Variants in ALG6 observed in about 807,000 individuals in gnomAD.
ALG6 encodes the protein dolichyl pyrophosphate Man9GlcNAc2 alpha-1,3-glucosyltransferase.
Under a neutral mutation model 66.6 loss-of-function variants are expected in ALG6, and 46 were observed. That is an observed-to-expected ratio of 0.69 (90% confidence interval 0.55 to 0.88). The LOEUF is 0.88. Ranked by LOEUF, ALG6 falls within the 40% of genes least tolerant of loss-of-function variation. The probability of loss-of-function intolerance (pLI) is 0.00; values close to 1 mark genes in which losing one functional copy is unlikely to be tolerated. For synonymous variants in ALG6, 185 were observed against 203.7 expected, an observed-to-expected ratio of 0.91 and a Z score of 0.78; for missense variants, 505 against 586.8, an observed-to-expected ratio of 0.86 and a Z score of 1.44.
At chr1:63,434,438 T>A (rs968532734) in intron 14 of ALG6, among the ~76,000 whole-genome samples, 1 of 151,722 alleles carries the variant, frequency 6.6e-6, no homozygotes, top group African/African-American at 2.4e-5. Flanking sequence ...AGACCAAGAG[T>A]TTTTTACATG....
Position 63,400,282 on chromosome 1 carries a change from CGTATATATATATACGT to C in ALG6, c.168-1971_168-1956del, listed in dbSNP as rs1644452900. On this transcript the variant is annotated intron_variant, in intron 3 of 14. Coordinates refer to ENST00000263440, the MANE Select transcript of ALG6 (RefSeq NM_013339.4). ...ATATATATATACGTATATATATATA[CGTATATATATATACGT>C]ATATATATGTATATATATATACGTA... Among the ~76,000 whole-genome samples, 8 of 12,602 alleles carry C rather than the reference CGTATATATATATACGT, an allele frequency of 6.3e-4. 2 individuals are homozygous for C. The highest frequency in any genetic ancestry group is 3.3e-3 in the African/African-American group (8 of 2,444). The allele number at this position is 12,602 out of a possible 152,430, so 8.3% of individuals were successfully genotyped here.
intron 7 of ALG6, 40 bp downstream of exon 7, chr1:63,407,166 T>C (rs757050174): frequency 1.4e-6 from 2 of 1,448,556 alleles, no homozygotes; most frequent in African/African-American, 2.8e-5. Flanking sequence ...AGTTGCATAT[T>C]GTGAAATCTA....
rs1000897697 is a variant in ALG6, at chr1:63,396,664, G to A, written c.167+67G>A. 12 of 1,337,560 alleles carry A rather than the reference G, an allele frequency of 9.0e-6. No individual in the cohort carries two copies. The Admixed American group carries it at 1.0e-4, about 11-fold the overall frequency. 82.9% of individuals were successfully genotyped at this position (1,337,560 alleles called of 1,614,324 possible). On this transcript the variant is annotated intron_variant, in intron 3 of 14. Coordinates refer to ENST00000263440, the MANE Select transcript of ALG6 (RefSeq NM_013339.4). ...ATACAGATTGTTTGAAAATATTAAA[G>A]GGACAACACGCTATTTTCTTCATCT... is the stretch of plus-strand genomic sequence containing the variant.
chr1:63,414,813 T>C (rs1167129966), intron 10 of ALG6, among the ~76,000 whole-genome samples: 2 of 152,154 alleles, frequency 1.3e-5, no homozygotes, highest in East Asian at 1.9e-4. Context: ...AATTGGCTTA[T>C]ACAGTTGTAG....
chr1:63,435,413 TGTA>T (rs1644672913), intron 14 of ALG6, among the ~76,000 whole-genome samples: 1 of 152,170 alleles, frequency 6.6e-6, no homozygotes, highest in South Asian at 2.1e-4. Context: ...TGTATCTGCT[TGTA>T]AGCTTTCTTG....
chr1:63,384,347 T>A (rs1465450650), intron 2 of ALG6, among the ~76,000 whole-genome samples: 1 of 152,216 alleles, frequency 6.6e-6, no homozygotes, highest in Non-Finnish European at 1.5e-5. Context: ...TTATTTAATT[T>A]TTTTTCCTAT....
chr1:63,379,510 T>C (rs1361509363), intron 2 of ALG6, among the ~76,000 whole-genome samples: 4 of 152,180 alleles, frequency 2.6e-5, no homozygotes, highest in Non-Finnish European at 5.9e-5. Flanking sequence ...AATTCCTACC[T>C]GTTCAGGTCC....
intron 6 of ALG6, among the ~76,000 whole-genome samples, chr1:63,406,715 AGTT>A (rs1186420549): frequency 5.9e-5 from 9 of 152,212 alleles, no homozygotes; most frequent in African/African-American, 2.2e-4. Flanking sequence ...CATTTTGAAA[AGTT>A]GTTGTATATT....
chr1:63,430,037 C>T (rs191276397), intron 14 of ALG6, among the ~76,000 whole-genome samples: 1 of 152,212 alleles, frequency 6.6e-6, no homozygotes, highest in East Asian at 1.9e-4. Flanking sequence ...CATGCGCCAC[C>T]ATGCCCAGCT....
chr1:63,411,061 A>C, intron 7 of ALG6, 85 bp from the exon 8 acceptor site: 4 of 1,365,094 alleles, frequency 2.9e-6, no homozygotes, highest in Non-Finnish European at 3.1e-6. Context: ...TGCATTTCCT[A>C]GAGCATATCT....
chr1:63,400,261 ATATATACGTATATATATATACG>A (rs1644450369), intron 3 of ALG6, among the ~76,000 whole-genome samples: 1 of 1,436 alleles, frequency 7.0e-4, no homozygotes, highest in Non-Finnish European at 1.2e-3. Context: ...ATATGTATAT[ATATATACGTATATATATATACG>A]TATATATATA....
At chr1:63,382,745 G>A (rs76760110) in intron 2 of ALG6, among the ~76,000 whole-genome samples, 9,480 of 142,472 alleles carry the variant, frequency 0.067, 412 homozygotes, top group East Asian at 0.17. Flanking sequence ...GCGCGATCTC[G>A]GCTCACTGCA....
At chr1:63,436,730 T>C in intron 14 of ALG6, 93 bp from the exon 15 acceptor site, 1 of 1,257,584 alleles carries the variant, frequency 8.0e-7, no homozygotes, top group Non-Finnish European at 1.2e-6. Flanking sequence ...CCCTCACCTT[T>C]AATTCTGCTC....
At position 63,433,998 on chromosome 1, in the gene ALG6, G is replaced by C. The variant is rs1644662616; in HGVS notation, c.1327-2825G>C. On this transcript the variant is annotated intron_variant, in intron 14 of 14. Coordinates refer to ENST00000263440, the MANE Select transcript of ALG6 (RefSeq NM_013339.4). This position sits in a 1 kb window ranked among gnomAD's most constrained non-coding sequence, Gnocchi z 4.2. Reference sequence around the variant, plus strand: ...TAATTGAGGGTAGAACATCCTAGAAGAGAAAAACTGCAAATGCAGTGAACA... The same window carrying C: ...TAATTGAGGGTAGAACATCCTAGAACAGAAAAACTGCAAATGCAGTGAACA... Among the ~76,000 whole-genome samples, 1 of 152,206 alleles carries C rather than the reference G, an allele frequency of 6.6e-6. No homozygotes were observed. The highest frequency in any genetic ancestry group is 6.5e-5 in the Admixed American group (1 of 15,280).
chr1:63,416,258 A>G (rs1346115268), intron 11 of ALG6, among the ~76,000 whole-genome samples: 1 of 152,128 alleles, frequency 6.6e-6, no homozygotes, highest in African/African-American at 2.4e-5. Flanking sequence ...AACAGATGGT[A>G]TTAAGTTCTA....
intron 7 of ALG6, among the ~76,000 whole-genome samples, chr1:63,408,101 A>G (rs1644499137): frequency 6.6e-6 from 1 of 152,162 alleles, no homozygotes; most frequent in Non-Finnish European, 1.5e-5. Flanking sequence ...TTGGCAAACT[A>G]CCACTCATGT....
chr1:63,388,953 C>T (rs901658440), intron 2 of ALG6, among the ~76,000 whole-genome samples: 1 of 152,058 alleles, frequency 6.6e-6, no homozygotes, highest in African/African-American at 2.4e-5. Flanking sequence ...TGTATTGGAA[C>T]TCCTTTGTAT....
rs1644454440 is a variant in ALG6 at position 63,400,305 on chromosome 1, A to ACG, written c.168-1949_168-1948insCG. Among the ~76,000 whole-genome samples the ACG allele has an allele frequency of 1.3e-4, 2 of 15,310 alleles. 1 individual carries two copies. Among genetic ancestry groups the ACG allele is most frequent in the Non-Finnish European group, 1.8e-4 (2 of 10,826 alleles). The allele number at this position is 15,310 out of a possible 152,430, so 10.0% of individuals were successfully genotyped here. The stretch of plus-strand genomic sequence containing the variant: ...TACGTATATATATATACGTATATAT[A>ACG]TGTATATATATATACGTATATATAT... On this transcript the variant is annotated intron_variant, in intron 3 of 14. Transcript: ENST00000263440.
At chr1:63,410,431 T>A (rs993661980) in intron 7 of ALG6, among the ~76,000 whole-genome samples, 7 of 152,052 alleles carry the variant, frequency 4.6e-5, no homozygotes, top group African/African-American at 1.7e-4. Context: ...ATTTAAAAAT[T>A]TTTTTGTAGA....
Sources: gnomAD v4.1 joint callset for allele counts (sites outside exome capture counted in the v4.1 genomes callset) on GRCh38, gnomAD v4.1.1 for gene constraint, Gnocchi (gnomAD v3.1) non-coding constraint, MANE v1.5 for transcripts, NCBI Gene and HGNC (gene_info 2026-07-23, HGNC 2026-07-21) for gene names.